The following EIF4E3 variants were observed in gnomAD, a reference collection of about 807,000 sequenced individuals.
EIF4E3 encodes eukaryotic translation initiation factor 4E family member 3, also known as eukaryotic translation initiation factor 4E type 3.
Under a neutral mutation model 31.7 loss-of-function variants are expected in EIF4E3, and 26 were observed. The ratio of observed to expected loss-of-function variants is 0.82; its 90% CI spans 0.60 to 1.14. The LOEUF (loss-of-function observed/expected upper bound fraction) is 1.14. EIF4E3 is among the 50% of genes most tolerant of loss of function. EIF4E3 has a pLI of 0.00. For missense variants in EIF4E3, 304 were observed against 270.9 expected, an observed-to-expected ratio of 1.12 and a Z score of -0.86; for synonymous variants, 128 against 107.7, an observed-to-expected ratio of 1.19 and a Z score of -1.17.
At position 71,725,283 on chromosome 3, in the gene EIF4E3, C is replaced by T. The variant is rs2049616152; in HGVS notation, c.85G>A (p.Glu29Lys). 3 of 1,013,108 alleles carry T rather than the reference C, an allele frequency of 3.0e-6. No individual in the cohort carries two copies. Among genetic ancestry groups the T allele is most frequent in the African/African-American group, 1.7e-5 (1 of 57,166 alleles). 62.8% of individuals were successfully genotyped at this position (1,013,108 alleles called of 1,614,324 possible). A position where few individuals can be genotyped will look rare whatever the true frequency, so the allele number is the denominator to read the frequency against. The change falls in exon 1 of 7, where the codon GAG becomes AAG. Residue 29 changes from glutamate to lysine, a missense_variant. Transcript: ENST00000425534. The surrounding 1 kb of genome is among the most constrained non-coding windows in gnomAD (Gnocchi z 6.1). ...SRAAAAAAAP[E>K]PPLGLQQLSA... ...AGCTGCTGCAGGCCGAGCGGCGGCT[C>T]GGGGGCGGCGGCAGCGGCGGCGGCG...
At chr3:71,741,713 AAC>A (rs1428667211) in intron 1 of EIF4E3, among the ~76,000 whole-genome samples, 1 of 152,198 alleles carries the variant, frequency 6.6e-6, no homozygotes, top group Non-Finnish European at 1.5e-5. Flanking sequence ...AACCATACAA[AAC>A]ACATTCTTTT....
At position 71,677,293 on chromosome 3, in the gene EIF4E3, G is replaced by A. The variant is rs1241041421; in HGVS notation, c.*7389C>T. The A allele has an allele frequency of 6.6e-6, 1 of 152,078 alleles. No homozygotes were observed. Among genetic ancestry groups the A allele is most frequent in the Non-Finnish European group, 1.5e-5 (1 of 68,000 alleles). The allele number at this position is 152,078 out of a possible 1,614,324, so 9.4% of individuals were successfully genotyped here. A position where few individuals can be genotyped will look rare whatever the true frequency, so the allele number is the denominator to read the frequency against. ...TGCTACTGTTTTTTCTTTTCTTCAT[G>A]TAACAAAAGAACCATCGTCTTGTAG... is the stretch of plus-strand genomic sequence containing the variant. On this transcript the variant is annotated 3_prime_UTR_variant, in exon 7 of 7. Coordinates refer to ENST00000425534, the MANE Select transcript of EIF4E3 (RefSeq NM_001134651.2).
intron 1 of EIF4E3, among the ~76,000 whole-genome samples, chr3:71,736,711 T>C (rs1478416377): frequency 6.6e-6 from 1 of 152,214 alleles, no homozygotes; most frequent in Admixed American, 6.5e-5. Context: ...CTATTCTGAA[T>C]GATACTATAA....
intron 1 of EIF4E3, among the ~76,000 whole-genome samples, chr3:71,738,221 A>AGC (rs1216730653): frequency 1.3e-5 from 2 of 152,214 alleles, no homozygotes; most frequent in African/African-American, 2.4e-5. Context: ...TAGCCAAAGG[A>AGC]GCAGCCTTGC....
chr3:71,741,545 G>C (rs569990778), intron 1 of EIF4E3, among the ~76,000 whole-genome samples: 76 of 152,252 alleles, frequency 5.0e-4, no homozygotes, highest in African/African-American at 1.7e-3. Flanking sequence ...GAAGTGCAAG[G>C]AGAAATACAA....
At chr3:71,720,194 T>A (rs1559605482) in intron 1 of EIF4E3, among the ~76,000 whole-genome samples, 1 of 152,134 alleles carries the variant, frequency 6.6e-6, no homozygotes, top group East Asian at 1.9e-4. Context: ...ATGTAAGTAT[T>A]TGTAGAGGCG....
intron 1 of EIF4E3, among the ~76,000 whole-genome samples, chr3:71,738,035 A>C (rs2049781427): frequency 6.6e-6 from 1 of 152,228 alleles, no homozygotes; most frequent in African/African-American, 2.4e-5. Context: ...AAACATAAGA[A>C]GACTCTGAAA....
At chr3:71,729,936 AG>A (rs1277830279), upstream of EIF4E3, among the ~76,000 whole-genome samples, 1 of 152,088 alleles carries the variant, frequency 6.6e-6, no homozygotes, top group African/African-American at 2.4e-5. Flanking sequence ...TCCTGTTTAC[AG>A]GGTGTGATAC....
At chr3:71,709,543 T>C (rs1386223338) in intron 2 of EIF4E3, among the ~76,000 whole-genome samples, 1 of 152,098 alleles carries the variant, frequency 6.6e-6, no homozygotes, top group African/African-American at 2.4e-5. Flanking sequence ...CCATGCCCAG[T>C]TAATTTTTAA....
chr3:71,672,739 G>A (rs531626957), downstream of EIF4E3, among the ~76,000 whole-genome samples: 15 of 152,274 alleles, frequency 9.9e-5, no homozygotes, highest in African/African-American at 3.4e-4. Flanking sequence ...AATCGAACAA[G>A]TTCTTCTCCG....
chr3:71,731,097 G>T (rs1322330465), intron 1 of EIF4E3, among the ~76,000 whole-genome samples: 1 of 152,104 alleles, frequency 6.6e-6, no homozygotes, highest in African/African-American at 2.4e-5. Context: ...AGCATGGCCT[G>T]GAGGACTGCA....
Position 71,683,412 on chromosome 3 carries a change from C to G in EIF4E3, c.*1270G>C, listed in dbSNP as rs915256359. The G allele has an allele frequency of 5.3e-5, 8 of 152,260 alleles. No individual in the cohort carries two copies. The highest frequency in any genetic ancestry group is 1.9e-4 in the African/African-American group (8 of 41,458). 9.4% of individuals were successfully genotyped at this position (152,260 alleles called of 1,614,324 possible). A position where few individuals can be genotyped will look rare whatever the true frequency, so the allele number is the denominator to read the frequency against. On this transcript the variant is annotated 3_prime_UTR_variant, in exon 7 of 7. Coordinates refer to ENST00000425534, the MANE Select transcript of EIF4E3 (RefSeq NM_001134651.2). The stretch of plus-strand genomic sequence containing the variant: ...CTGGGGGAAGTGTCTTCAGATGGCC[C>G]TGCCCTTTATCAGGCAAAAGCAGCC...
intron 5 of EIF4E3, among the ~76,000 whole-genome samples, chr3:71,693,100 G>C (rs185746049): frequency 6.6e-5 from 10 of 152,240 alleles, no homozygotes; most frequent in Non-Finnish European, 1.2e-4. Flanking sequence ...CTGAAAGCTG[G>C]GGAAGAAAAA....
upstream of EIF4E3, chr3:71,754,427 C>G (rs779180388): frequency 7.4e-7 from 1 of 1,358,874 alleles, no homozygotes; most frequent in Non-Finnish European, 9.5e-7. This position sits in a 1 kb window ranked among gnomAD's most constrained non-coding sequence, Gnocchi z 5.8. Context: ...CCATCGCGCA[C>G]CACCGCTTCT....
chr3:71,678,401 G>A lies in EIF4E3; in HGVS notation c.*6281C>T, dbSNP rs2048890420. On this transcript the variant is annotated 3_prime_UTR_variant, in exon 7 of 7. Coordinates refer to ENST00000425534, the MANE Select transcript of EIF4E3 (RefSeq NM_001134651.2). ...TTCATAGCAATATAGTCCCAAATTA[G>A]AAAATTGCAAAACAGTCTAAACATT... 1 of 152,230 alleles carries A rather than the reference G, an allele frequency of 6.6e-6. No homozygotes were observed. The highest frequency in any genetic ancestry group is 2.4e-5 in the African/African-American group (1 of 41,546). The allele number at this position is 152,230 out of a possible 1,614,324, so 9.4% of individuals were successfully genotyped here. A position where few individuals can be genotyped will look rare whatever the true frequency, so the allele number is the denominator to read the frequency against.
chr3:71,750,530 G>A (rs1429508065), intron 1 of EIF4E3, among the ~76,000 whole-genome samples: 1 of 152,194 alleles, frequency 6.6e-6, no homozygotes, highest in Non-Finnish European at 1.5e-5. Context: ...AGTAGTTTGT[G>A]TATGTTAGTT....
chr3:71,733,450 T>C (rs2049728121), intron 1 of EIF4E3, among the ~76,000 whole-genome samples: 2 of 152,258 alleles, frequency 1.3e-5, no homozygotes, highest in African/African-American at 4.8e-5. Flanking sequence ...GGAAGTGTAT[T>C]GTGCTTTCCG....
chr3:71,724,359 G>C (rs2049595657), intron 1 of EIF4E3, among the ~76,000 whole-genome samples: 1 of 152,144 alleles, frequency 6.6e-6, no homozygotes, highest in Non-Finnish European at 1.5e-5. Flanking sequence ...TGAGGAGCTG[G>C]GGAGACAGAC....
Position 71,676,391 on chromosome 3 carries a change from TAG to T in EIF4E3, c.*8289_*8290del, listed in dbSNP as rs1406409961. On this transcript the variant is annotated 3_prime_UTR_variant, in exon 7 of 7. Transcript: ENST00000425534. Reference sequence around the variant, plus strand: ...AGTTCTATTTCTTGGCCTGCTGTTATAGAGTGTTCTCCTTGTAACAATTCAGT... The same window carrying T: ...AGTTCTATTTCTTGGCCTGCTGTTATAGTGTTCTCCTTGTAACAATTCAGT... 2 of 152,224 alleles carry T rather than the reference TAG, an allele frequency of 1.3e-5. No individual in the cohort carries two copies. Among genetic ancestry groups the T allele is most frequent in the African/African-American group, 2.4e-5 (1 of 41,464 alleles). The allele number at this position is 152,224 out of a possible 1,614,324, so 9.4% of individuals were successfully genotyped here. A position where few individuals can be genotyped will look rare whatever the true frequency, so the allele number is the denominator to read the frequency against.
Sources: allele counts gnomAD v4.1 joint callset (sites outside exome capture counted in the v4.1 genomes callset), GRCh38; gene constraint gnomAD v4.1.1; non-coding constraint Gnocchi (gnomAD v3.1); transcripts MANE v1.5; gene names NCBI Gene and HGNC (gene_info 2026-07-23, HGNC 2026-07-21).